The following SLC16A7 variants were observed in gnomAD, a reference collection of about 807,000 sequenced individuals.
SLC16A7 encodes the protein solute carrier family 16 member 7.
In SLC16A7, 33 loss-of-function variants were observed where a neutral mutation model predicts 34.9. The ratio of observed to expected loss-of-function variants is 0.94; its 90% CI spans 0.72 to 1.26. The LOEUF is 1.26. Ranked by LOEUF, SLC16A7 falls within the 50% of genes most tolerant of loss-of-function variation. SLC16A7 has a pLI of 0.00. For synonymous variants in SLC16A7, 201 were observed against 206.6 expected (o/e 0.97, Z 0.23); for missense variants, 573 against 578.1 (o/e 0.99, Z 0.09).
chr12:59,730,779 A>T (rs184136484), intron 3 of SLC16A7, among the ~76,000 whole-genome samples: 1 of 152,202 alleles, frequency 6.6e-6, no homozygotes, highest in Admixed American at 6.5e-5. Flanking sequence ...GGAATGGCCC[A>T]GTACTATTTT....
At chr12:59,722,853 T>C (rs1875769513) in intron 3 of SLC16A7, among the ~76,000 whole-genome samples, 1 of 151,998 alleles carries the variant, frequency 6.6e-6, no homozygotes, top group Admixed American at 6.6e-5. Context: ...TATAGAACTT[T>C]CTGTGGTGAT....
In SLC16A7 at chr12:59,788,402, ATATCT is replaced by A. The variant is rs1302376349; in HGVS notation, c.*8726_*8730del. Reference sequence around the variant, plus strand: ...TGTAGTTGTCTTGTTTATTCTATAGATATCTTAATGACCACTGAACAAATGATCAT... The same window carrying A: ...TGTAGTTGTCTTGTTTATTCTATAGATAATGACCACTGAACAAATGATCAT... On this transcript the variant is annotated 3_prime_UTR_variant, in exon 6 of 6. Transcript: ENST00000547379. The A allele has an allele frequency of 1.3e-5, 2 of 152,080 alleles. No homozygotes were observed. Among genetic ancestry groups the A allele is most frequent in the Non-Finnish European group, 2.9e-5 (2 of 67,964 alleles). The allele number at this position is 152,080 out of a possible 1,614,324, so 9.4% of individuals were successfully genotyped here.
At chr12:59,748,828 C>T (rs994653507) in intron 3 of SLC16A7, among the ~76,000 whole-genome samples, 2 of 152,076 alleles carry the variant, frequency 1.3e-5, no homozygotes, top group Admixed American at 1.3e-4. Flanking sequence ...TAGATATGCA[C>T]TTTAATATGA....
chr12:59,673,265 A>G lies in SLC16A7; in HGVS notation c.-31+18015A>G, dbSNP rs542026089. Among the ~76,000 whole-genome samples the G allele has an allele frequency of 1.4e-4, 22 of 152,264 alleles. No individual in the cohort carries two copies. In the East Asian group the frequency reaches 3.1e-3, roughly 21 times the overall value. On this transcript the variant is annotated intron_variant, in intron 2 of 5. Transcript: ENST00000547379. ...GAGTGTAGAACATTTGCTGAAATTG[A>G]TGAATTGGTTTTGGCATAATAAATA...
intron 3 of SLC16A7, among the ~76,000 whole-genome samples, chr12:59,758,787 A>G (rs1382974983): frequency 6.6e-6 from 1 of 152,080 alleles, no homozygotes; most frequent in South Asian, 2.1e-4. Context: ...TTGTTTTAAG[A>G]TAAGTCTGTA....
rs1883487914 is a variant in SLC16A7, at chr12:59,784,613, C to T, written c.*4934C>T. The T allele has an allele frequency of 6.6e-6, 1 of 152,056 alleles. No individual in the cohort carries two copies. Among genetic ancestry groups the T allele is most frequent in the Non-Finnish European group, 1.5e-5 (1 of 68,002 alleles). 9.4% of individuals were successfully genotyped at this position (152,056 alleles called of 1,614,324 possible). On this transcript the variant is annotated 3_prime_UTR_variant, in exon 6 of 6. Coordinates refer to ENST00000547379, the MANE Select transcript of SLC16A7 (RefSeq NM_001270623.2). ...TCATTCACCTCTTTGTCTATTTGTT[C>T]TGTAGAGAAAACAAGTGTCATTGCT...
At chr12:59,684,875 A>C (rs1273322631) in intron 2 of SLC16A7, among the ~76,000 whole-genome samples, 2 of 152,148 alleles carry the variant, frequency 1.3e-5, no homozygotes, top group Non-Finnish European at 2.9e-5. Context: ...ACAGGTCTTT[A>C]GGGGGAGGCA....
At chr12:59,618,625 A>G (rs1879562921) in intron 1 of SLC16A7, among the ~76,000 whole-genome samples, 1 of 151,998 alleles carries the variant, frequency 6.6e-6, no homozygotes, top group South Asian at 2.1e-4. Flanking sequence ...TTCCAAGTCC[A>G]AAATACATCA....
At chr12:59,624,559 G>A (rs1231114066) in intron 1 of SLC16A7, among the ~76,000 whole-genome samples, 1 of 151,572 alleles carries the variant, frequency 6.6e-6, no homozygotes, top group Non-Finnish European at 1.5e-5. Context: ...TGGGGTCTGG[G>A]GCATCACACA....
chr12:59,740,862 G>A (rs889375735), intron 3 of SLC16A7, among the ~76,000 whole-genome samples: 2 of 152,064 alleles, frequency 1.3e-5, no homozygotes, highest in Non-Finnish European at 2.9e-5. Context: ...CTTCAGCAAA[G>A]TCTCAGGATA....
chr12:59,751,682 GACAA>G (rs1879586675), intron 3 of SLC16A7, among the ~76,000 whole-genome samples: 1 of 152,216 alleles, frequency 6.6e-6, no homozygotes, highest in Non-Finnish European at 1.5e-5. Flanking sequence ...GCAGGGCACA[GACAA>G]ACAAAAAAGA....
rs187877996 is a variant in SLC16A7, at chr12:59,612,813, C to T, written c.-130+16577C>T. Among the ~76,000 whole-genome samples, 52 of 152,324 alleles carry T rather than the reference C, an allele frequency of 3.4e-4. 1 individual carries two copies. In the East Asian group the frequency reaches 9.3e-3, roughly 27 times the overall value. On this transcript the variant is annotated intron_variant, in intron 1 of 5. Coordinates refer to ENST00000547379, the MANE Select transcript of SLC16A7 (RefSeq NM_001270623.2). ...TTACTCCAGTTCCCAAAAAGTTCCT[C>T]ATCTCCATCTGAGACTACATCAGCC... is the stretch of plus-strand genomic sequence containing the variant.
intron 2 of SLC16A7, among the ~76,000 whole-genome samples, chr12:59,665,595 A>G (rs1019789267): frequency 2.0e-5 from 3 of 152,126 alleles, no homozygotes; most frequent in Non-Finnish European, 2.9e-5. Context: ...AATTAAAGAC[A>G]TTGCTCACTA....
chr12:59,616,650 G>T (rs1001097551), intron 1 of SLC16A7, among the ~76,000 whole-genome samples: 2 of 152,098 alleles, frequency 1.3e-5, no homozygotes, highest in African/African-American at 4.8e-5. Context: ...TCAGCTGTTT[G>T]TGAGGGTAAA....
chr12:59,727,153 T>TATAC (rs771362586), intron 3 of SLC16A7, among the ~76,000 whole-genome samples: 10 of 99,160 alleles, frequency 1.0e-4, no homozygotes, highest in African/African-American at 3.4e-4. Flanking sequence ...GAGATGGACA[T>TATAC]ATATATATAT....
At position 59,744,397 on chromosome 12, in the gene SLC16A7, A is replaced by T. The variant is rs141814698; in HGVS notation, c.218-26822A>T. ...ACGGCTTGACAATGTTGCTTCAAAGAGGAGTCCAGCGGGGAAGGCTGGACT... is the reference window on the plus strand; with the variant it reads ...ACGGCTTGACAATGTTGCTTCAAAGTGGAGTCCAGCGGGGAAGGCTGGACT... On this transcript the variant is annotated intron_variant, in intron 3 of 5. Transcript: ENST00000547379. Among the ~76,000 whole-genome samples, 926 of 152,246 alleles carry T rather than the reference A, an allele frequency of 6.1e-3. 3 individuals carry two copies. The highest frequency in any genetic ancestry group is 0.014 in the Middle Eastern group (4 of 294).
intron 1 of SLC16A7, among the ~76,000 whole-genome samples, chr12:59,613,030 G>C (rs964593918): frequency 6.6e-6 from 1 of 152,082 alleles, no homozygotes; most frequent in African/African-American, 2.4e-5. Context: ...CCCCACTCCT[G>C]GTACCAATTT....
intron 2 of SLC16A7, chr12:59,689,382 C>T (rs561278543): frequency 6.6e-6 from 1 of 152,068 alleles, no homozygotes; most frequent in East Asian, 1.9e-4. Flanking sequence ...AAGGAAACTT[C>T]TGCCTCAGGT....
At chr12:59,768,513 A>G (rs1419973098) in intron 3 of SLC16A7, among the ~76,000 whole-genome samples, 1 of 152,198 alleles carries the variant, frequency 6.6e-6, no homozygotes, top group Non-Finnish European at 1.5e-5. Context: ...TATTGTTGAT[A>G]TAACTACAAA....
Sources: gnomAD v4.1 joint callset for allele counts (sites outside exome capture counted in the v4.1 genomes callset) on GRCh38, gnomAD v4.1.1 for gene constraint, MANE v1.5 for transcripts, NCBI Gene and HGNC (gene_info 2026-07-23, HGNC 2026-07-21) for gene names.